DLG2: variants seen among roughly 807,000 people sequenced by gnomAD.
The protein encoded by DLG2 is disks large homolog 2.
DLG2 carries 45 observed loss-of-function variants against 132.5 expected under a neutral mutation model. That is an observed-to-expected ratio of 0.34 (90% CI 0.27 to 0.44). The LOEUF is 0.44. DLG2 is among the 20% of genes least tolerant of loss of function. The pLI is 1.00. For synonymous variants in DLG2, 424 were observed against 419.6 expected (o/e 1.01, Z -0.13); for missense variants, 1,045 against 1,196.9 (o/e 0.87, Z 1.87).
chr11:85,581,751 T>G (rs893454768), intron 3 of DLG2, among the ~76,000 whole-genome samples: 2 of 152,146 alleles, frequency 1.3e-5, no homozygotes, highest in Non-Finnish European at 2.9e-5. Context: ...TTCACTTTAA[T>G]AAAAGGGAAG....
At chr11:84,120,017 A>G (rs2093829614) in intron 9 of DLG2, among the ~76,000 whole-genome samples, 1 of 152,236 alleles carries the variant, frequency 6.6e-6, no homozygotes, top group South Asian at 2.1e-4. Flanking sequence ...GGAGGGGACT[A>G]GGAAGAGAAT....
intron 5 of DLG2, among the ~76,000 whole-genome samples, chr11:85,118,552 A>G (rs779412794): frequency 6.6e-6 from 1 of 152,068 alleles, no homozygotes; most frequent in Non-Finnish European, 1.5e-5. Flanking sequence ...TTGTGACTTG[A>G]TATTTCAGGG....
intron 11 of DLG2, among the ~76,000 whole-genome samples, chr11:84,038,364 A>G (rs1430533551): frequency 1.3e-5 from 2 of 152,118 alleles, no homozygotes; most frequent in Non-Finnish European, 2.9e-5. Context: ...TCAAAATTAG[A>G]CATACATGCA....
intron 3 of DLG2, among the ~76,000 whole-genome samples, chr11:85,585,272 C>T (rs977263691): frequency 3.9e-5 from 6 of 152,102 alleles, no homozygotes; most frequent in Non-Finnish European, 7.4e-5. Context: ...CTTTCCCCAC[C>T]TTATGTTGTT....
chr11:84,207,081 C>CTCTCTCTCTCTCTA (rs148707321), intron 8 of DLG2, among the ~76,000 whole-genome samples: 3 of 146,904 alleles, frequency 2.0e-5, no homozygotes, highest in African/African-American at 7.5e-5. Context: ...CTCTCTCTCT[C>CTCTCTCTCTCTCTA]TATATATATA....
intron 18 of DLG2, among the ~76,000 whole-genome samples, chr11:83,782,131 C>T (rs1294971708): frequency 6.6e-6 from 1 of 152,122 alleles, no homozygotes; most frequent in Non-Finnish European, 1.5e-5. Flanking sequence ...CAAAAGGCAC[C>T]ATCTAAAAAC....
intron 14 of DLG2, among the ~76,000 whole-genome samples, chr11:83,946,939 G>C (rs1306122271): frequency 6.6e-6 from 1 of 152,108 alleles, no homozygotes; most frequent in Non-Finnish European, 1.5e-5. Context: ...TTTAAATTCG[G>C]TATAACCTTA....
At chr11:84,501,518 A>T (rs1467225222) in intron 7 of DLG2, among the ~76,000 whole-genome samples, 1 of 152,194 alleles carries the variant, frequency 6.6e-6, no homozygotes, top group Non-Finnish European at 1.5e-5. Context: ...GTGAGCTGAG[A>T]TCGTGCTAAT....
At chr11:84,485,441 C>A (rs1169737692) in intron 7 of DLG2, among the ~76,000 whole-genome samples, 2 of 151,988 alleles carry the variant, frequency 1.3e-5, no homozygotes, top group Non-Finnish European at 2.9e-5. Flanking sequence ...GAACTCATTC[C>A]AAAATGGTTT....
chr11:83,646,321 T>A (rs942663006), intron 18 of DLG2, among the ~76,000 whole-genome samples: 2 of 151,566 alleles, frequency 1.3e-5, no homozygotes, highest in Non-Finnish European at 2.9e-5. Flanking sequence ...TAGAACAAAT[T>A]CTCTCCCTCT....
At chr11:84,351,813 C>T (rs1276298225) in intron 7 of DLG2, among the ~76,000 whole-genome samples, 1 of 152,134 alleles carries the variant, frequency 6.6e-6, no homozygotes, top group Admixed American at 6.6e-5. Flanking sequence ...CTAATTAGAA[C>T]AGACTGTAAC....
chr11:85,606,192 A>G (rs948734195), intron 2 of DLG2, among the ~76,000 whole-genome samples: 2 of 152,206 alleles, frequency 1.3e-5, no homozygotes, highest in African/African-American at 4.8e-5. Context: ...AACAAGCAAT[A>G]ACAATTAGAC....
intron 4 of DLG2, among the ~76,000 whole-genome samples, chr11:85,181,198 A>ATATATG (rs755427341): frequency 1.1e-4 from 17 of 151,470 alleles, no homozygotes; most frequent in South Asian, 8.3e-4. Context: ...TTCTCTCCAT[A>ATATATG]TATATGTATA....
chr11:83,512,946 G>C (rs1420025260), intron 21 of DLG2, among the ~76,000 whole-genome samples: 2 of 152,150 alleles, frequency 1.3e-5, no homozygotes, highest in Non-Finnish European at 1.5e-5. Context: ...GGACATTTGG[G>C]TTGGTTCCAA....
chr11:85,019,121 G>A (rs189284618), intron 6 of DLG2, among the ~76,000 whole-genome samples: 26 of 152,288 alleles, frequency 1.7e-4, no homozygotes, highest in Non-Finnish European at 3.4e-4. Flanking sequence ...CTGAACTTAT[G>A]TATGAATGAA....
intron 3 of DLG2, among the ~76,000 whole-genome samples, chr11:85,517,903 G>T (rs2094200409): frequency 6.6e-6 from 1 of 152,262 alleles, no homozygotes; most frequent in Non-Finnish European, 1.5e-5. Context: ...AGTCTCACAA[G>T]ATCTGATGGT....
At chr11:84,591,223 C>CTCTCTGTGTGTG (rs1555073566) in intron 6 of DLG2, among the ~76,000 whole-genome samples, 7 of 139,222 alleles carry the variant, frequency 5.0e-5, no homozygotes, top group African/African-American at 1.1e-4. Flanking sequence ...ATGTGTCTCT[C>CTCTCTGTGTGTG]TGTGTGTGTG....
At chr11:85,162,070 C>T (rs1026883608) in intron 4 of DLG2, among the ~76,000 whole-genome samples, 4 of 152,216 alleles carry the variant, frequency 2.6e-5, no homozygotes, top group Middle Eastern at 3.4e-3. Context: ...ATTCCATTAA[C>T]CTGGAATTGC....
intron 6 of DLG2, among the ~76,000 whole-genome samples, chr11:85,017,023 T>C (rs2059632364): frequency 6.6e-6 from 1 of 152,192 alleles, no homozygotes; most frequent in South Asian, 2.1e-4. Context: ...CATTTGTTTA[T>C]ATATTTTCTG....
Sources: allele counts gnomAD v4.1 joint callset (sites outside exome capture counted in the v4.1 genomes callset), GRCh38; gene constraint gnomAD v4.1.1; transcripts MANE v1.5; gene names NCBI Gene and HGNC (gene_info 2026-07-23, HGNC 2026-07-21).